The following ELP4 variants were observed in gnomAD, a reference collection of about 807,000 sequenced individuals.
ELP4 encodes elongator complex protein 4.
ELP4 carries 51 observed loss-of-function variants against 48.9 expected under a neutral mutation model. The ratio of observed to expected loss-of-function variants is 1.04; its 90% CI spans 0.83 to 1.32. The LOEUF (loss-of-function observed/expected upper bound fraction) is 1.32, where lower values mean the gene tolerates loss of function less well. Among genes scored for constraint, ELP4 ranks in the 40% most tolerant of loss-of-function variants. The pLI is 0.00. For missense variants in ELP4, 519 were observed against 514.6 expected (o/e 1.01, Z -0.08); for synonymous variants, 210 against 189.2 (o/e 1.11, Z -0.90).
chr11:31,732,904 G>C (rs1487843335), intron 9 of ELP4, among the ~76,000 whole-genome samples: 1 of 152,138 alleles, frequency 6.6e-6, no homozygotes, highest in Non-Finnish European at 1.5e-5. Flanking sequence ...CAGCATCAGA[G>C]CACCCAAATA....
intron 9 of ELP4, among the ~76,000 whole-genome samples, chr11:31,756,703 G>A (rs1947839981): frequency 6.6e-6 from 1 of 152,190 alleles, no homozygotes; most frequent in Non-Finnish European, 1.5e-5. Context: ...AAAAGGAGAG[G>A]ACAGGGAGGT....
rs67239104 is a variant in ELP4, at chr11:31,627,254, T to TGG, written c.738+70_738+71dup. On this transcript the variant is annotated intron_variant, in intron 6 of 9. Transcript: ENST00000640961. ...TATATAATGTTGTTTTCAAATTCTC[T>TGG]GGGGGGGGGGGCGGGAACCCAGAAG... The TGG allele has an allele frequency of 2.1e-3, 228 of 107,028 alleles. 1 individual carries two copies. The highest frequency in any genetic ancestry group is 8.2e-3 in the African/African-American group (196 of 23,944). 6.6% of individuals were successfully genotyped at this position (107,028 alleles called of 1,614,324 possible).
intron 9 of ELP4, among the ~76,000 whole-genome samples, chr11:31,676,594 A>G (rs1945930428): frequency 6.6e-6 from 1 of 152,172 alleles, no homozygotes; most frequent in South Asian, 2.1e-4. Context: ...CCCTATTTAA[A>G]TTGTATACAA....
At chr11:31,571,530 A>G (rs957069184) in intron 3 of ELP4, among the ~76,000 whole-genome samples, 2 of 152,228 alleles carry the variant, frequency 1.3e-5, no homozygotes, top group African/African-American at 2.4e-5. Context: ...CTCGTGAATC[A>G]TGAATATTCT....
intron 7 of ELP4, among the ~76,000 whole-genome samples, chr11:31,643,032 T>G (rs1287888510): frequency 1.3e-5 from 2 of 151,954 alleles, no homozygotes; most frequent in Admixed American, 6.6e-5. Context: ...CCTATATTCA[T>G]GTTCTCTGCA....
At chr11:31,570,081 T>A (rs889631611) in intron 3 of ELP4, among the ~76,000 whole-genome samples, 2 of 152,160 alleles carry the variant, frequency 1.3e-5, no homozygotes, top group South Asian at 4.1e-4. Flanking sequence ...TGTAGCACTA[T>A]TCTCAATAGC....
At chr11:31,665,691 G>A (rs1592204522) in intron 9 of ELP4, among the ~76,000 whole-genome samples, 1 of 97,422 alleles carries the variant, frequency 1.0e-5, no homozygotes, top group South Asian at 3.4e-4. Context: ...GAGATTCTGT[G>A]TCACCCAGGC....
intron 9 of ELP4, among the ~76,000 whole-genome samples, chr11:31,724,810 C>A (rs1208300991): frequency 1.3e-5 from 2 of 152,210 alleles, no homozygotes; most frequent in East Asian, 3.8e-4. Flanking sequence ...CTGTCCCTTA[C>A]ATATATCTTT....
chr11:31,758,864 C>T (rs1947885443), intron 9 of ELP4, among the ~76,000 whole-genome samples: 1 of 152,018 alleles, frequency 6.6e-6, no homozygotes, highest in South Asian at 2.1e-4. Flanking sequence ...GACAAGGTCT[C>T]ACCATGTTGC....
intron 4 of ELP4, among the ~76,000 whole-genome samples, chr11:31,600,932 C>A (rs190050028): frequency 6.6e-6 from 1 of 152,108 alleles, no homozygotes; most frequent in Non-Finnish European, 1.5e-5. Context: ...AAGTTCATTT[C>A]CTTTTAACAT....
At chr11:31,669,252 A>T (rs541180288) in intron 9 of ELP4, among the ~76,000 whole-genome samples, 5 of 151,784 alleles carry the variant, frequency 3.3e-5, no homozygotes, top group Admixed American at 6.6e-5. Flanking sequence ...TGCCCAGCTA[A>T]TTTTTTGTAT....
chr11:31,786,932 G>A lies in ELP4; in HGVS notation c.*3408G>A, dbSNP rs1428917882. ...CGTTTAGTCCTGGGATTCTACTGAA[G>A]TCTTCACAAATAATCTCCATCCTGG... is the stretch of plus-strand genomic sequence containing the variant. On this transcript the variant is annotated 3_prime_UTR_variant, in exon 10 of 10. Coordinates refer to ENST00000640961, the MANE Select transcript of ELP4 (RefSeq NM_019040.5). 1 of 220,308 alleles carries A rather than the reference G, an allele frequency of 4.5e-6. No homozygotes were observed. The highest frequency in any genetic ancestry group is 9.1e-6 in the Non-Finnish European group (1 of 110,060). The allele number at this position is 220,308 out of a possible 1,614,324, so 13.6% of individuals were successfully genotyped here.
intron 9 of ELP4, among the ~76,000 whole-genome samples, chr11:31,765,066 T>C (rs1422349552): frequency 6.6e-6 from 1 of 152,110 alleles, no homozygotes; most frequent in Non-Finnish European, 1.5e-5. Flanking sequence ...ACACTAAGAC[T>C]GAATTAAGAG....
intron 5 of ELP4, among the ~76,000 whole-genome samples, chr11:31,607,488 C>G (rs919116072): frequency 6.6e-6 from 1 of 152,136 alleles, no homozygotes; most frequent in Non-Finnish European, 1.5e-5. Context: ...AAAGGGCAAG[C>G]TAGCCAAAAT....
chr11:31,704,884 G>A (rs1237402116), intron 9 of ELP4, among the ~76,000 whole-genome samples: 8 of 151,528 alleles, frequency 5.3e-5, no homozygotes, highest in South Asian at 2.1e-4. Context: ...GGTGGTGCGC[G>A]CCTATAGTCC....
intron 9 of ELP4, among the ~76,000 whole-genome samples, chr11:31,668,303 C>T (rs1373521634): frequency 6.6e-6 from 1 of 151,960 alleles, no homozygotes; most frequent in African/African-American, 2.4e-5. Context: ...TGACAAAAAA[C>T]AATTATCCTG....
chr11:31,555,319 G>T (rs551780470), intron 3 of ELP4, among the ~76,000 whole-genome samples: 1 of 152,088 alleles, frequency 6.6e-6, no homozygotes, highest in Non-Finnish European at 1.5e-5. Flanking sequence ...TAAACTATTT[G>T]AATTTTGATT....
At chr11:31,575,101 T>G (rs1163304805) in intron 3 of ELP4, among the ~76,000 whole-genome samples, 1 of 152,162 alleles carries the variant, frequency 6.6e-6, no homozygotes, top group Non-Finnish European at 1.5e-5. Flanking sequence ...TTAAATGACC[T>G]GATGGAACTG....
intron 9 of ELP4, among the ~76,000 whole-genome samples, chr11:31,743,222 T>C (rs1317349443): frequency 1.3e-5 from 2 of 152,160 alleles, no homozygotes; most frequent in South Asian, 2.1e-4. Context: ...ATGTTCCCAA[T>C]ACAGGAGCAC....
Sources: allele counts gnomAD v4.1 joint callset (sites outside exome capture counted in the v4.1 genomes callset), GRCh38; gene constraint gnomAD v4.1.1; transcripts MANE v1.5; gene names NCBI Gene and HGNC (gene_info 2026-07-23, HGNC 2026-07-21).